The following PABPC4L variants were observed in gnomAD, a reference collection of about 807,000 sequenced individuals.
The protein encoded by PABPC4L is polyadenylate-binding protein 4-like.
For synonymous variants in PABPC4L, 169 were observed against 164.1 expected, an observed-to-expected ratio of 1.03 and a Z score of -0.23; for missense variants, 452 against 451.4, an observed-to-expected ratio of 1.00 and a Z score of -0.01.
At chr4:134,100,093 C>T in the PABPC4L span, among the ~76,000 whole-genome samples, 1 of 151,704 alleles carries the variant, frequency 6.6e-6, no homozygotes, top group African/African-American at 2.4e-5. Context: ...GCTCCTTTCC[C>T]ATTCTTTTGT....
Position 134,196,861 on chromosome 4 carries a change from G to T in PABPC4L, c.*3046C>A, listed in dbSNP as rs1729675682. On this transcript the variant is annotated 3_prime_UTR_variant, in exon 2 of 2. Coordinates refer to ENST00000421491, the MANE Select transcript of PABPC4L (RefSeq NM_001114734.2). ...GCTGGAAATAAGCAATTTCTACTAA[G>T]AAGGCAGATTATTGTGTAATTAAGC... 1 of 150,848 alleles carries T rather than the reference G, an allele frequency of 6.6e-6. No homozygotes were observed. The highest frequency in any genetic ancestry group is 6.6e-5 in the Admixed American group (1 of 15,144). 9.3% of individuals were successfully genotyped at this position (150,848 alleles called of 1,614,324 possible).
At chr4:134,186,989 T>A in the PABPC4L span, among the ~76,000 whole-genome samples, 1 of 151,954 alleles carries the variant, frequency 6.6e-6, no homozygotes, top group Non-Finnish European at 1.5e-5. Context: ...AAAACCACAA[T>A]GAGATACCAT....
At chr4:133,952,238 G>A in the PABPC4L span, among the ~76,000 whole-genome samples, 4 of 152,258 alleles carry the variant, frequency 2.6e-5, no homozygotes, top group Middle Eastern at 3.4e-3. Flanking sequence ...TGGCAGCACA[G>A]TCCATTGGTA....
At chr4:134,149,727 C>A in the PABPC4L span, among the ~76,000 whole-genome samples, 2 of 152,042 alleles carry the variant, frequency 1.3e-5, no homozygotes. Flanking sequence ...AGAAAGAAAT[C>A]CATCTAAAAT....
At chr4:134,016,858 T>C in the PABPC4L span, among the ~76,000 whole-genome samples, 1 of 152,120 alleles carries the variant, frequency 6.6e-6, no homozygotes, top group Admixed American at 6.6e-5. Flanking sequence ...CTCCCTTTCC[T>C]ACCCATCAAG....
chr4:134,004,298 A>T, the PABPC4L span, among the ~76,000 whole-genome samples: 1 of 152,082 alleles, frequency 6.6e-6, no homozygotes, highest in Non-Finnish European at 1.5e-5. Flanking sequence ...AACAGGAAAA[A>T]AAATACGTAA....
At chr4:134,159,276 C>G in the PABPC4L span, among the ~76,000 whole-genome samples, 2 of 152,076 alleles carry the variant, frequency 1.3e-5, no homozygotes, top group Non-Finnish European at 2.9e-5. Context: ...AAATAGTGAC[C>G]ACCCCCCTGT....
At chr4:134,161,181 TAATC>T in the PABPC4L span, among the ~76,000 whole-genome samples, 1 of 151,564 alleles carries the variant, frequency 6.6e-6, no homozygotes, top group Admixed American at 6.6e-5. Context: ...ACAGCAGACT[TAATC>T]AAGCAGAAGA....
the PABPC4L span, among the ~76,000 whole-genome samples, chr4:134,102,460 A>G: frequency 1.3e-5 from 2 of 151,498 alleles, no homozygotes; most frequent in Admixed American, 1.3e-4. Flanking sequence ...GAATCTCTGG[A>G]TGTATAGCAT....
At chr4:134,190,219 C>T in the PABPC4L span, among the ~76,000 whole-genome samples, 2 of 152,092 alleles carry the variant, frequency 1.3e-5, no homozygotes, top group Admixed American at 1.3e-4. Context: ...TGTCTATCTG[C>T]CTCTCTAATT....
chr4:134,133,895 T>G, the PABPC4L span, among the ~76,000 whole-genome samples: 1 of 152,130 alleles, frequency 6.6e-6, no homozygotes, highest in Admixed American at 6.6e-5. Context: ...GAATGTAAAT[T>G]TTAGTTGTGC....
At position 134,197,430 on chromosome 4, in the gene PABPC4L, T is replaced by A. The variant is rs185327678; in HGVS notation, c.*2477A>T. ...TATATATTTGTGTGAATATATGTAT[T>A]TAAAGTGTTCAAAATATTTTGAAGC... On this transcript the variant is annotated 3_prime_UTR_variant, in exon 2 of 2. Transcript: ENST00000421491. 1 of 151,838 alleles carries A rather than the reference T, an allele frequency of 6.6e-6. No homozygotes were observed. The highest frequency in any genetic ancestry group is 2.4e-5 in the African/African-American group (1 of 41,556). 9.4% of individuals were successfully genotyped at this position (151,838 alleles called of 1,614,324 possible). A position where few individuals can be genotyped will look rare whatever the true frequency, so the allele number is the denominator to read the frequency against.
At chr4:134,078,073 A>C in the PABPC4L span, among the ~76,000 whole-genome samples, 2 of 152,192 alleles carry the variant, frequency 1.3e-5, no homozygotes, top group East Asian at 3.8e-4. Flanking sequence ...AAAACAAACT[A>C]TTTGAAATAC....
the PABPC4L span, among the ~76,000 whole-genome samples, chr4:134,172,126 A>G: frequency 3.3e-5 from 5 of 152,228 alleles, no homozygotes; most frequent in African/African-American, 1.2e-4. Context: ...CTATTCCTAT[A>G]AAACTACCAA....
At chr4:134,154,269 A>G in the PABPC4L span, among the ~76,000 whole-genome samples, 2 of 152,122 alleles carry the variant, frequency 1.3e-5, no homozygotes, top group African/African-American at 4.8e-5. Context: ...CAGCCTGGGC[A>G]ACACGCCAAA....
the PABPC4L span, among the ~76,000 whole-genome samples, chr4:133,964,320 G>C: frequency 7.0e-6 from 1 of 143,104 alleles, no homozygotes; most frequent in African/African-American, 2.8e-5. Flanking sequence ...GATTGAAAAT[G>C]GTAATTTAAA....
chr4:134,135,315 T>A, the PABPC4L span, among the ~76,000 whole-genome samples: 2 of 152,108 alleles, frequency 1.3e-5, no homozygotes, highest in South Asian at 4.1e-4. Flanking sequence ...ATGACCTAGG[T>A]CTCTGTTCTC....
chr4:133,998,630 T>A, the PABPC4L span, among the ~76,000 whole-genome samples: 6 of 152,056 alleles, frequency 3.9e-5, no homozygotes, highest in Admixed American at 1.3e-4. Context: ...AACCCTTTTT[T>A]TAATCATTGC....
chr4:134,170,508 G>A, the PABPC4L span, among the ~76,000 whole-genome samples: 1 of 152,038 alleles, frequency 6.6e-6, no homozygotes, highest in African/African-American at 2.4e-5. Flanking sequence ...CATGATGCTG[G>A]CATCTGCTCA....
Sources: gnomAD v4.1 joint callset for allele counts (sites outside exome capture counted in the v4.1 genomes callset) on GRCh38, gnomAD v4.1.1 for gene constraint, MANE v1.5 for transcripts, NCBI Gene and HGNC (gene_info 2026-07-23, HGNC 2026-07-21) for gene names.